The following PITPNM3 variants were observed in gnomAD, a reference collection of about 807,000 sequenced individuals.
PITPNM3 encodes the protein PITPNM family member 3.
Under a neutral mutation model 102.0 loss-of-function variants are expected in PITPNM3, and 26 were observed. The ratio of observed to expected loss-of-function variants is 0.25; its 90% CI spans 0.19 to 0.35. The LOEUF is 0.35. Ranked by LOEUF, PITPNM3 falls within the 10% of genes least tolerant of loss-of-function variation. PITPNM3 has a pLI of 1.00. For synonymous variants in PITPNM3, 578 were observed against 558.6 expected (o/e 1.03, Z -0.49); for missense variants, 1,083 against 1,346.1 (o/e 0.80, Z 3.06).
chr17:6,505,669 A>T (rs749845285), intron 3 of PITPNM3, among the ~76,000 whole-genome samples: 11 of 152,374 alleles, frequency 7.2e-5, no homozygotes, highest in Non-Finnish European at 1.6e-4. Flanking sequence ...TAAGAAGTCA[A>T]CTTTGACCAC....
chr17:6,514,699 T>C (rs903795277), intron 3 of PITPNM3, among the ~76,000 whole-genome samples: 16 of 152,188 alleles, frequency 1.1e-4, no homozygotes, highest in Non-Finnish European at 2.1e-4. Context: ...ATTTGGCAGC[T>C]CTTCAAAAAG....
At chr17:6,492,721 G>A (rs1474525809) in intron 4 of PITPNM3, among the ~76,000 whole-genome samples, 1 of 152,076 alleles carries the variant, frequency 6.6e-6, no homozygotes, top group Admixed American at 6.5e-5. Flanking sequence ...GTTGGGCATG[G>A]TGGCGGGTGC....
At chr17:6,555,693 G>A (rs1376711938) in intron 1 of PITPNM3, among the ~76,000 whole-genome samples, 11 of 152,206 alleles carry the variant, frequency 7.2e-5, no homozygotes. Context: ...AGATGCTAGT[G>A]AATGAACGTC....
intron 2 of PITPNM3, 152 bp from the exon 3 acceptor site, chr17:6,525,615 G>A: frequency 1.4e-6 from 1 of 709,082 alleles, no homozygotes; most frequent in Non-Finnish European, 2.6e-6. Context: ...TAGCTAGACA[G>A]TTACAAGACT....
intron 6 of PITPNM3, 74 bp downstream of exon 6, chr17:6,483,443 T>C (rs1905866305): frequency 1.4e-6 from 2 of 1,426,378 alleles, no homozygotes; most frequent in Non-Finnish European, 1.9e-6. Context: ...ACGGGGTCCA[T>C]GCTGCAGGGG....
At chr17:6,495,161 T>C (rs1467311136) in intron 4 of PITPNM3, among the ~76,000 whole-genome samples, 2 of 152,164 alleles carry the variant, frequency 1.3e-5, no homozygotes, top group African/African-American at 4.8e-5. Context: ...TCTTTTCTTC[T>C]AGGGAGAATT....
At chr17:6,519,788 C>T (rs1017907871) in intron 3 of PITPNM3, among the ~76,000 whole-genome samples, 5 of 151,920 alleles carry the variant, frequency 3.3e-5, no homozygotes, top group Non-Finnish European at 5.9e-5. Context: ...CAAGATCACA[C>T]CACTGTACTC....
intron 9 of PITPNM3, among the ~76,000 whole-genome samples, chr17:6,475,773 G>A (rs1430942608): frequency 1.3e-5 from 2 of 152,158 alleles, no homozygotes; most frequent in Non-Finnish European, 2.9e-5. Context: ...CAAATTTGGG[G>A]CTCTCCTAAA....
At chr17:6,500,032 G>C (rs560275277) in intron 4 of PITPNM3, among the ~76,000 whole-genome samples, 2 of 152,118 alleles carry the variant, frequency 1.3e-5, no homozygotes, top group African/African-American at 4.8e-5. Context: ...CACCTGGCAC[G>C]ACAGTATGGT....
At position 6,455,679 on chromosome 17, in the gene PITPNM3, C is replaced by T. The variant is rs768860117; in HGVS notation, c.2620-36G>A. On this transcript the variant is annotated intron_variant, in intron 19 of 19. Transcript: ENST00000262483. ...CAGGGGAGGGCAGGGGAGGGCAGGG[C>T]AGGGCAGCAGCGCAGGGGGAAGAAG... 3.2e-6 allele frequency: 4 copies of T among 1,265,452 alleles called. No homozygotes were observed. The East Asian group carries it at 1.2e-4, about 39-fold the overall frequency. 78.4% of individuals were successfully genotyped at this position (1,265,452 alleles called of 1,614,324 possible). A position where few individuals can be genotyped will look rare whatever the true frequency, so the allele number is the denominator to read the frequency against.
intron 4 of PITPNM3, among the ~76,000 whole-genome samples, chr17:6,496,449 C>A (rs998085300): frequency 6.6e-5 from 10 of 152,202 alleles, no homozygotes; most frequent in Admixed American, 5.9e-4. Context: ...CTGGGCTCTT[C>A]TCTCCACTGC....
At chr17:6,527,149 T>G in intron 2 of PITPNM3, among the ~76,000 whole-genome samples, 1 of 152,250 alleles carries the variant, frequency 6.6e-6, no homozygotes, top group East Asian at 1.9e-4. Context: ...AGCAAGCTGC[T>G]GTGGGGACAA....
chr17:6,533,242 A>G (rs1191648189), intron 2 of PITPNM3, among the ~76,000 whole-genome samples: 3 of 152,214 alleles, frequency 2.0e-5, no homozygotes, highest in East Asian at 1.9e-4. Flanking sequence ...GATTACAGGC[A>G]TGAGCGACCA....
At position 6,452,967 on chromosome 17, in the gene PITPNM3, TCTCTCTCTTC is replaced by T. The variant is rs1913911309; in HGVS notation, c.*2361_*2370del. ...AGCTCTCTCTCTCTCTTCCTCTCTC[TCTCTCTCTTC>T]CTCTCTCTCTCTCTCTGTCTTCCTT... On this transcript the variant is annotated 3_prime_UTR_variant, in exon 20 of 20. Transcript: ENST00000262483. 1 of 149,326 alleles carries T rather than the reference TCTCTCTCTTC, an allele frequency of 6.7e-6. No homozygotes were observed. The highest frequency in any genetic ancestry group is 2.1e-4 in the East Asian group (1 of 4,758). The allele number at this position is 149,326 out of a possible 1,614,324, so 9.3% of individuals were successfully genotyped here.
At chr17:6,520,642 T>C (rs1248955102) in intron 3 of PITPNM3, among the ~76,000 whole-genome samples, 1 of 152,262 alleles carries the variant, frequency 6.6e-6, no homozygotes, top group Non-Finnish European at 1.5e-5. Context: ...TGTTTGATTT[T>C]TTCCAATGAG....
At chr17:6,476,358 G>C (rs1284485092) in intron 9 of PITPNM3, among the ~76,000 whole-genome samples, 1 of 152,198 alleles carries the variant, frequency 6.6e-6, no homozygotes, top group Admixed American at 6.5e-5. Context: ...AAAAGAAAGA[G>C]ACATTCCTTC....
intron 2 of PITPNM3, among the ~76,000 whole-genome samples, chr17:6,529,611 CCTT>C (rs1909031688): frequency 6.6e-6 from 1 of 151,870 alleles, no homozygotes; most frequent in Non-Finnish European, 1.5e-5. Flanking sequence ...AAAAAAATCT[CCTT>C]GTCTCATGCC....
chr17:6,463,754 G>A lies in PITPNM3; in HGVS notation c.2284C>T (p.Pro762Ser). The change falls in exon 17 of 20, where the codon CCG (proline) becomes TCG (serine). Residue 762 changes from proline to serine, a missense_variant. By Grantham distance (74) the Pro-to-Ser change is moderately conservative (BLOSUM62 -1). Transcript: ENST00000262483. ...SIMGSDPKVR[P>S]GAVDVVRHWQ... ...CACCGGACAACATCCACTGCACCCG[G>A]CCGGACCTTGGGGTCGCTTCCCATG... 1.2e-6 allele frequency: 2 copies of A among 1,611,576 alleles called. No homozygotes were observed. The highest frequency in any genetic ancestry group is 4.5e-5 in the East Asian group (2 of 44,832).
chr17:6,494,184 A>T (rs1906662030), intron 4 of PITPNM3, among the ~76,000 whole-genome samples: 1 of 152,188 alleles, frequency 6.6e-6, no homozygotes, highest in South Asian at 2.1e-4. Flanking sequence ...GATTTCTCTC[A>T]AGATGTAAGT....
Sources: allele counts gnomAD v4.1 joint callset (sites outside exome capture counted in the v4.1 genomes callset), GRCh38; gene constraint gnomAD v4.1.1; transcripts MANE v1.5; gene names NCBI Gene and HGNC (gene_info 2026-07-23, HGNC 2026-07-21).